PGR: variants seen among roughly 807,000 people sequenced by gnomAD.
The protein encoded by PGR is progesterone receptor.
PGR carries 25 observed loss-of-function variants against 76.1 expected under a neutral mutation model. The observed-to-expected ratio is 0.33, with a 90% CI of 0.24 to 0.46. The LOEUF (loss-of-function observed/expected upper bound fraction) is 0.46, where lower values mean the gene tolerates loss of function less well. Ranked by LOEUF, PGR falls within the 20% of genes least tolerant of loss-of-function variation. The probability of loss-of-function intolerance (pLI) is 1.00; values close to 1 mark genes in which losing one functional copy is unlikely to be tolerated. For missense variants in PGR, 1,172 were observed against 1,225.3 expected, an observed-to-expected ratio of 0.96 and a Z score of 0.65; for synonymous variants, 579 against 535.0, an observed-to-expected ratio of 1.08 and a Z score of -1.14.
intron 6 of PGR, among the ~76,000 whole-genome samples, chr11:101,045,665 TTGTGTG>T (rs5794091): frequency 8.6e-4 from 128 of 149,234 alleles, no homozygotes; most frequent in Admixed American, 1.7e-3. Context: ...CTATTCCATT[TTGTGTG>T]TGTGTGTGTG....
intron 4 of PGR, among the ~76,000 whole-genome samples, chr11:101,061,639 G>C (rs1860502522): frequency 6.6e-6 from 1 of 152,190 alleles, no homozygotes; most frequent in African/African-American, 2.4e-5. Flanking sequence ...TATTACTGAT[G>C]TGAAGAGAAT....
At chr11:101,107,235 C>A (rs1386582555) in intron 2 of PGR, among the ~76,000 whole-genome samples, 1 of 152,072 alleles carries the variant, frequency 6.6e-6, no homozygotes, top group Non-Finnish European at 1.5e-5. Context: ...TTAAGTTCTT[C>A]ATGTCATCAT....
intron 6 of PGR, among the ~76,000 whole-genome samples, chr11:101,044,921 G>T (rs933438114): frequency 7.9e-5 from 12 of 151,906 alleles, no homozygotes; most frequent in Non-Finnish European, 1.6e-4. Context: ...TGGCCAGGCT[G>T]GTCTTGAACT....
chr11:101,101,376 A>G (rs1432313078), intron 2 of PGR, among the ~76,000 whole-genome samples: 3 of 152,250 alleles, frequency 2.0e-5, no homozygotes, highest in Non-Finnish European at 4.4e-5. Flanking sequence ...AAAACTGAAA[A>G]TTAAAAGTAA....
rs780296630 is a variant in PGR, at chr11:101,128,790, C to T, written c.281G>A (p.Arg94Lys). 1.6e-5 allele frequency: 26 copies of T among 1,614,142 alleles called. No individual in the cohort carries two copies. The highest frequency in any genetic ancestry group is 2.2e-5 in the Non-Finnish European group (26 of 1,180,040). ...ACTAGAACTGCTGCCTCCAGCACCCCTTGTAGCTTCAGCTCTGGAATATGC... is the reference window on the plus strand; with the variant it reads ...ACTAGAACTGCTGCCTCCAGCACCCTTTGTAGCTTCAGCTCTGGAATATGC... ...EGAYSRAEAT[R>K]GAGGSSSSPP... The change falls in exon 1 of 8, where the codon AGG becomes AAG. Residue 94 changes from arginine (R) to lysine (K), a missense_variant. By Grantham distance (26) the Arg-to-Lys change is conservative (BLOSUM62 2). Around this residue, in one of 4 missense-constraint regions of PGR, gnomAD observed 893 missense variants for 785.9 expected, o/e 1.14. Coordinates refer to ENST00000325455, the MANE Select transcript of PGR (RefSeq NM_000926.4).
chr11:101,045,461 C>T (rs887226162), intron 6 of PGR, among the ~76,000 whole-genome samples: 1 of 152,128 alleles, frequency 6.6e-6, no homozygotes, highest in African/African-American at 2.4e-5. Context: ...TCCTACCTTT[C>T]CAGCCTTCTA....
intron 3 of PGR, among the ~76,000 whole-genome samples, chr11:101,066,288 G>C (rs1461474917): frequency 6.6e-6 from 1 of 152,108 alleles, no homozygotes; most frequent in African/African-American, 2.4e-5. Flanking sequence ...TCTTAACCCG[G>C]GTAAGTACTT....
At chr11:101,114,189 C>T (rs900660048) in intron 2 of PGR, among the ~76,000 whole-genome samples, 1 of 152,152 alleles carries the variant, frequency 6.6e-6, no homozygotes, top group African/African-American at 2.4e-5. Context: ...TCTTCCTGTC[C>T]TATACTTCCA....
At chr11:101,081,695 G>T (rs1861313293) in intron 3 of PGR, among the ~76,000 whole-genome samples, 1 of 152,162 alleles carries the variant, frequency 6.6e-6, no homozygotes, top group African/African-American at 2.4e-5. Flanking sequence ...TCTTTTCCAG[G>T]CAATCAAGTG....
chr11:101,084,981 C>G (rs1262467107), intron 3 of PGR, among the ~76,000 whole-genome samples: 1 of 152,156 alleles, frequency 6.6e-6, no homozygotes, highest in African/African-American at 2.4e-5. Flanking sequence ...TTCTAAGGAC[C>G]TAGAAAGCCA....
In PGR at chr11:101,120,841, G is replaced by A. The variant is rs577358283; in HGVS notation, c.1789+5166C>T. Among the ~76,000 whole-genome samples the A allele has an allele frequency of 2.6e-4, 39 of 152,296 alleles. 1 individual carries two copies. The South Asian group carries it at 7.0e-3, about 28-fold the overall frequency. ...TGAGTAATTAAAGTACAATGATTCA[G>A]TGGCCAGAACAGGAGCAGTTATTAG... On this transcript the variant is annotated intron_variant, in intron 2 of 7. Coordinates refer to ENST00000325455, the MANE Select transcript of PGR (RefSeq NM_000926.4).
chr11:101,040,753 C>T (rs1430100731), intron 7 of PGR, among the ~76,000 whole-genome samples: 1 of 152,024 alleles, frequency 6.6e-6, no homozygotes, highest in Non-Finnish European at 1.5e-5. Flanking sequence ...TGCCTCTACA[C>T]CGGACCCTTT....
chr11:101,090,808 G>T (rs888547567), intron 3 of PGR, among the ~76,000 whole-genome samples: 2 of 152,110 alleles, frequency 1.3e-5, no homozygotes, highest in Non-Finnish European at 2.9e-5. Context: ...TGTTACCTGG[G>T]TGATTAATTT....
At chr11:101,125,788 A>C (rs1236093604) in intron 2 of PGR, among the ~76,000 whole-genome samples, 1 of 152,222 alleles carries the variant, frequency 6.6e-6, no homozygotes, top group East Asian at 1.9e-4. Flanking sequence ...TAATACTGAA[A>C]GTGTTAGTCA....
intron 4 of PGR, among the ~76,000 whole-genome samples, chr11:101,060,631 A>T (rs1351501950): frequency 6.6e-6 from 1 of 152,196 alleles, no homozygotes; most frequent in Non-Finnish European, 1.5e-5. Context: ...GACCATTTTC[A>T]TAATTCATTC....
intron 4 of PGR, among the ~76,000 whole-genome samples, chr11:101,061,455 A>G (rs891468383): frequency 2.6e-5 from 4 of 152,154 alleles, no homozygotes; most frequent in African/African-American, 7.2e-5. Context: ...CAATTCATCT[A>G]TTGTATTTCA....
chr11:101,062,949 T>G lies in PGR; in HGVS notation c.1907-197A>C, dbSNP rs1860569265. ...GTAACTAACTCTTGATTAAAAAAAATTTAGGCCTCAGACTTGGATTAAATA... is the reference window on the plus strand; with the variant it reads ...GTAACTAACTCTTGATTAAAAAAAAGTTAGGCCTCAGACTTGGATTAAATA... On this transcript the variant is annotated intron_variant, in intron 3 of 7. Coordinates refer to ENST00000325455, the MANE Select transcript of PGR (RefSeq NM_000926.4). 8.4e-6 allele frequency: 4 copies of G among 476,050 alleles called. No individual in the cohort carries two copies. The South Asian group carries it at 1.1e-4, about 13-fold the overall frequency. The allele number at this position is 476,050 out of a possible 1,614,324, so 29.5% of individuals were successfully genotyped here.
At chr11:101,044,857 C>A (rs990096460) in intron 6 of PGR, among the ~76,000 whole-genome samples, 14 of 151,978 alleles carry the variant, frequency 9.2e-5, no homozygotes, top group African/African-American at 3.1e-4. Context: ...CAAGTGTGTG[C>A]CATCATGTCC....
chr11:101,118,794 C>T (rs926592747), intron 2 of PGR, among the ~76,000 whole-genome samples: 30 of 152,250 alleles, frequency 2.0e-4, no homozygotes, highest in African/African-American at 6.7e-4. Flanking sequence ...TATATGAGGG[C>T]CATCTAGCCA....
Sources: allele counts gnomAD v4.1 joint callset (sites outside exome capture counted in the v4.1 genomes callset), GRCh38; gene constraint gnomAD v4.1.1; regional missense constraint gnomAD v4.1.1; transcripts MANE v1.5; gene names NCBI Gene and HGNC (gene_info 2026-07-23, HGNC 2026-07-21).